The following FOXN3 variants were observed in gnomAD, a reference collection of about 807,000 sequenced individuals.
FOXN3 encodes forkhead box protein N3.
In FOXN3, 7 loss-of-function variants were observed where a neutral mutation model predicts 38.4. The observed-to-expected ratio is 0.18, with a 90% CI of 0.10 to 0.34. The LOEUF (loss-of-function observed/expected upper bound fraction) is 0.34. FOXN3 is among the 10% of genes least tolerant of loss of function. The probability of loss-of-function intolerance (pLI) is 1.00; values close to 1 mark genes in which losing one functional copy is unlikely to be tolerated. For missense variants in FOXN3, 456 were observed against 613.4 expected, an observed-to-expected ratio of 0.74 and a Z score of 2.71; for synonymous variants, 230 against 242.2, an observed-to-expected ratio of 0.95 and a Z score of 0.47.
intron 1 of FOXN3, among the ~76,000 whole-genome samples, chr14:89,529,268 T>C (rs1894503132): frequency 1.3e-5 from 2 of 152,156 alleles, no homozygotes; most frequent in South Asian, 2.1e-4. Context: ...TTAAAATGCA[T>C]AATATTTTAC....
intron 3 of FOXN3, among the ~76,000 whole-genome samples, chr14:89,325,314 GACCACCACC>G (rs774094314): frequency 0.085 from 8,585 of 101,102 alleles, 333 homozygotes; most frequent in Non-Finnish European, 0.093. Context: ...CCACCACCAC[GACCACCACC>G]ACCACCACCA....
intron 4 of FOXN3, among the ~76,000 whole-genome samples, chr14:89,195,792 G>T (rs1888083984): frequency 6.6e-6 from 1 of 152,224 alleles, no homozygotes; most frequent in Non-Finnish European, 1.5e-5. Context: ...GAGAGAACAA[G>T]CAAGTGCCAC....
intron 3 of FOXN3, among the ~76,000 whole-genome samples, chr14:89,348,729 G>A (rs78486683): frequency 0.018 from 2,745 of 151,994 alleles, 76 homozygotes; most frequent in African/African-American, 0.06. Flanking sequence ...ATATTCCTTC[G>A]GAAATGATTT....
intron 2 of FOXN3, among the ~76,000 whole-genome samples, chr14:89,359,737 C>T (rs1889382568): frequency 6.6e-6 from 1 of 152,186 alleles, no homozygotes; most frequent in Admixed American, 6.5e-5. Flanking sequence ...TACCACCTGC[C>T]ACCTCCTTCC....
intron 1 of FOXN3, among the ~76,000 whole-genome samples, chr14:89,616,454 C>T (rs1402712117): frequency 6.6e-6 from 1 of 152,124 alleles, no homozygotes; most frequent in African/African-American, 2.4e-5. Context: ...TGGTTAGCCT[C>T]TGAGAACACC....
At chr14:89,492,491 T>C (rs949538648) in intron 1 of FOXN3, among the ~76,000 whole-genome samples, 4 of 152,174 alleles carry the variant, frequency 2.6e-5, no homozygotes, top group African/African-American at 9.7e-5. Flanking sequence ...CTCAGCACTT[T>C]GGGAGGCTGA....
At chr14:89,358,471 C>T (rs1455453548) in intron 2 of FOXN3, among the ~76,000 whole-genome samples, 2 of 152,194 alleles carry the variant, frequency 1.3e-5, no homozygotes, top group African/African-American at 2.4e-5. Flanking sequence ...GAGTAAGTTA[C>T]CCCATCCGTA....
At position 89,515,445 on chromosome 14, in the gene FOXN3, G is replaced by A. The variant is rs1894180948; in HGVS notation, c.-14-102955C>T. Among the ~76,000 whole-genome samples the A allele has an allele frequency of 2.0e-5, 3 of 152,246 alleles. 1 individual carries two copies. In the South Asian group the frequency reaches 6.2e-4, roughly 32 times the overall value. The stretch of plus-strand genomic sequence containing the variant: ...ACCAGTCAGAATGTATTCAAATGTG[G>A]CCGGGCACAGTGGCTCACACCTGTA... On this transcript the variant is annotated intron_variant, in intron 1 of 6. Transcript: ENST00000345097.
intron 3 of FOXN3, among the ~76,000 whole-genome samples, chr14:89,316,104 G>A (rs140071128): frequency 5.9e-4 from 90 of 152,296 alleles, no homozygotes; most frequent in African/African-American, 2.1e-3. Context: ...ACAGCCAATA[G>A]GACATTAGCA....
chr14:89,561,283 G>T (rs1480867931), intron 1 of FOXN3, among the ~76,000 whole-genome samples: 1 of 152,222 alleles, frequency 6.6e-6, no homozygotes, highest in Non-Finnish European at 1.5e-5. Flanking sequence ...TGCAATCTCG[G>T]CTCACTGAAA....
intron 1 of FOXN3, among the ~76,000 whole-genome samples, chr14:89,538,947 G>A (rs1025691821): frequency 1.3e-5 from 2 of 150,494 alleles, no homozygotes; most frequent in African/African-American, 4.9e-5. Flanking sequence ...GGGTTCAAGC[G>A]ATTCTCCTGC....
chr14:89,204,421 C>CA (rs1380441129), intron 4 of FOXN3, among the ~76,000 whole-genome samples: 1 of 152,126 alleles, frequency 6.6e-6, no homozygotes, highest in Non-Finnish European at 1.5e-5. Flanking sequence ...GCCTCAGTTT[C>CA]AACACTTAGC....
intron 1 of FOXN3, among the ~76,000 whole-genome samples, chr14:89,465,850 T>A (rs950037533): frequency 6.6e-6 from 1 of 152,268 alleles, no homozygotes; most frequent in African/African-American, 2.4e-5. Context: ...AGCTAGGACA[T>A]CACTCTGGAT....
chr14:89,471,499 A>G (rs1893094167), intron 1 of FOXN3, among the ~76,000 whole-genome samples: 1 of 152,074 alleles, frequency 6.6e-6, no homozygotes, highest in Non-Finnish European at 1.5e-5. Context: ...TGGGAGGATC[A>G]CTTGAGCCTA....
Position 89,194,217 on chromosome 14 carries a change from A to C in FOXN3, c.746-13411T>G, listed in dbSNP as rs367746644. Reference sequence around the variant, plus strand: ...TTACCATTTTGTTCTTTTATAGCTTAATGTCTTTTGTGTTCTAAGAAATCT... The same window carrying C: ...TTACCATTTTGTTCTTTTATAGCTTCATGTCTTTTGTGTTCTAAGAAATCT... On this transcript the variant is annotated intron_variant, in intron 4 of 5. Transcript: ENST00000557258. Among the ~76,000 whole-genome samples the C allele has an allele frequency of 7.9e-4, 121 of 152,216 alleles. 2 individuals carry two copies. The East Asian group carries it at 0.014, about 17-fold the overall frequency.
At chr14:89,513,350 G>A (rs1186012435) in intron 1 of FOXN3, among the ~76,000 whole-genome samples, 1 of 149,766 alleles carries the variant, frequency 6.7e-6, no homozygotes, top group African/African-American at 2.5e-5. Flanking sequence ...TCAGCCTCCT[G>A]AGCAGCTGGG....
chr14:89,383,494 A>C (rs1298210325), intron 2 of FOXN3, among the ~76,000 whole-genome samples: 1 of 152,208 alleles, frequency 6.6e-6, no homozygotes, highest in African/African-American at 2.4e-5. Context: ...GGCTTAAATC[A>C]ACAGAAATTC....
At chr14:89,317,240 G>A (rs7142196) in intron 3 of FOXN3, among the ~76,000 whole-genome samples, 36,020 of 152,116 alleles carry the variant, frequency 0.24, 4,791 homozygotes, top group African/African-American at 0.35. Context: ...TCTGCACATG[G>A]CACAGCTGTT....
At chr14:89,572,391 A>G (rs1895513379) in intron 1 of FOXN3, among the ~76,000 whole-genome samples, 1 of 152,228 alleles carries the variant, frequency 6.6e-6, no homozygotes, top group African/African-American at 2.4e-5. Flanking sequence ...TATTAGTATA[A>G]GAAGAAAAGC....
Sources: gnomAD v4.1 joint callset for allele counts (sites outside exome capture counted in the v4.1 genomes callset) on GRCh38, gnomAD v4.1.1 for gene constraint, MANE v1.5 for transcripts, NCBI Gene and HGNC (gene_info 2026-07-23, HGNC 2026-07-21) for gene names.